Variants in CTNNA2 observed in about 807,000 individuals in gnomAD.
CTNNA2 encodes the protein catenin alpha-2.
A neutral mutation model predicts 101.0 loss-of-function variants in CTNNA2; 42 were observed. The ratio of observed to expected loss-of-function variants is 0.42; its 90% CI spans 0.32 to 0.54. The LOEUF (loss-of-function observed/expected upper bound fraction) is 0.54. Ranked by LOEUF, CTNNA2 falls within the 20% of genes least tolerant of loss-of-function variation. The pLI is 0.14. For synonymous variants in CTNNA2, 450 were observed against 456.4 expected, an observed-to-expected ratio of 0.99 and a Z score of 0.18; for missense variants, 871 against 1,223.1, an observed-to-expected ratio of 0.71 and a Z score of 4.29.
chr2:80,586,659 T>C (rs1203730953), intron 14 of CTNNA2: 1 of 152,218 alleles, frequency 6.6e-6, no homozygotes, highest in East Asian at 1.9e-4. Context: ...AATAAACTCT[T>C]GTATATCAAG....
intron 1 of CTNNA2, among the ~76,000 whole-genome samples, chr2:79,191,266 T>C (rs2104160419): frequency 6.6e-6 from 1 of 152,314 alleles, no homozygotes; most frequent in African/African-American, 2.4e-5. Context: ...AGCATTCCAA[T>C]GATGTCAGCT....
intron 9 of CTNNA2, among the ~76,000 whole-genome samples, chr2:80,460,640 C>T (rs1684345966): frequency 6.6e-6 from 1 of 152,106 alleles, no homozygotes; most frequent in Non-Finnish European, 1.5e-5. Context: ...TACAAATACC[C>T]TACCACATCT....
At chr2:79,933,778 G>T (rs944889030) in intron 7 of CTNNA2, among the ~76,000 whole-genome samples, 1 of 152,144 alleles carries the variant, frequency 6.6e-6, no homozygotes, top group Non-Finnish European at 1.5e-5. Flanking sequence ...TCTTTACATG[G>T]TCTAACCACC....
intron 7 of CTNNA2, among the ~76,000 whole-genome samples, chr2:80,239,638 G>C (rs968972938): frequency 1.3e-5 from 2 of 151,980 alleles, no homozygotes; most frequent in African/African-American, 4.8e-5. Flanking sequence ...ATGGCCTGGC[G>C]TGGTGGCTCA....
At chr2:79,243,029 C>CACACACACACACAT (rs1369431500) in intron 2 of CTNNA2, among the ~76,000 whole-genome samples, 2 of 149,556 alleles carry the variant, frequency 1.3e-5, no homozygotes, top group African/African-American at 4.9e-5. Flanking sequence ...CACACACACA[C>CACACACACACACAT]GTTAATATTC....
At chr2:79,786,005 A>C (rs1001650988) in intron 3 of CTNNA2, among the ~76,000 whole-genome samples, 1 of 152,204 alleles carries the variant, frequency 6.6e-6, no homozygotes, top group Non-Finnish European at 1.5e-5. Flanking sequence ...GGTGGGCAGG[A>C]GAGAAGATCC....
At position 80,002,058 on chromosome 2, in the gene CTNNA2, A is replaced by G. The variant is rs1027678791; in HGVS notation, c.1056+92261A>G. Among the ~76,000 whole-genome samples, 3 of 152,190 alleles carry G rather than the reference A, an allele frequency of 2.0e-5. No individual in the cohort carries two copies. The East Asian group carries it at 5.8e-4, about 29-fold the overall frequency. On this transcript the variant is annotated intron_variant, in intron 7 of 18. Coordinates refer to ENST00000402739, the MANE Select transcript of CTNNA2 (RefSeq NM_001282597.3). Reference sequence around the variant, plus strand: ...AAAGCTTTAAACAATGTGTTTTTTAAGTGCTTAGTGACAACCCTAAAATAT... The same window carrying G: ...AAAGCTTTAAACAATGTGTTTTTTAGGTGCTTAGTGACAACCCTAAAATAT...
At chr2:80,431,934 T>A (rs1681564708) in intron 9 of CTNNA2, among the ~76,000 whole-genome samples, 1 of 152,280 alleles carries the variant, frequency 6.6e-6, no homozygotes, top group East Asian at 1.9e-4. Flanking sequence ...GTAGGCACAT[T>A]AGTGCCTGTT....
intron 7 of CTNNA2, among the ~76,000 whole-genome samples, chr2:80,022,676 A>G (rs1400853705): frequency 6.6e-6 from 1 of 152,164 alleles, no homozygotes; most frequent in Non-Finnish European, 1.5e-5. Flanking sequence ...AAAAAATCCT[A>G]GGTAAGGAAA....
At chr2:79,834,562 C>A (rs1467061908) in intron 3 of CTNNA2, among the ~76,000 whole-genome samples, 1 of 151,900 alleles carries the variant, frequency 6.6e-6, no homozygotes, top group Non-Finnish European at 1.5e-5. Flanking sequence ...TCTTTGTCTC[C>A]TTTTTCATTG....
intron 1 of CTNNA2, among the ~76,000 whole-genome samples, chr2:79,586,244 A>G (rs1298653764): frequency 6.6e-6 from 1 of 152,020 alleles, no homozygotes; most frequent in East Asian, 1.9e-4. Flanking sequence ...TCAAACTGTC[A>G]AGAGTGTTGC....
intron 7 of CTNNA2, among the ~76,000 whole-genome samples, chr2:80,282,262 AT>A (rs1674441270): frequency 6.7e-6 from 1 of 148,340 alleles, no homozygotes; most frequent in Non-Finnish European, 1.5e-5. Context: ...TTTAAATGTT[AT>A]TTATTTGCTG....
intron 7 of CTNNA2, among the ~76,000 whole-genome samples, chr2:79,963,359 G>A (rs946626549): frequency 5.3e-5 from 8 of 152,108 alleles, no homozygotes; most frequent in African/African-American, 1.7e-4. Flanking sequence ...TAAGTCAAGC[G>A]CCACAGTCTA....
intron 2 of CTNNA2, among the ~76,000 whole-genome samples, chr2:79,294,014 G>A (rs557113505): frequency 2.0e-5 from 3 of 152,102 alleles, no homozygotes; most frequent in Non-Finnish European, 4.4e-5. Context: ...GTCTTAGTCC[G>A]CTTGGTCTGC....
intron 7 of CTNNA2, among the ~76,000 whole-genome samples, chr2:80,084,464 T>C (rs1281559201): frequency 6.6e-6 from 1 of 152,130 alleles, no homozygotes; most frequent in Non-Finnish European, 1.5e-5. Flanking sequence ...TTTTAGGATG[T>C]CCAACCCATT....
At chr2:79,816,963 T>G (rs1175334525) in intron 3 of CTNNA2, among the ~76,000 whole-genome samples, 1 of 152,136 alleles carries the variant, frequency 6.6e-6, no homozygotes, top group South Asian at 2.1e-4. Context: ...TTTCAGTCAT[T>G]AAATAAACCT....
intron 1 of CTNNA2, among the ~76,000 whole-genome samples, chr2:79,600,597 C>T (rs934335842): frequency 6.6e-6 from 1 of 152,114 alleles, no homozygotes; most frequent in Admixed American, 6.5e-5. Context: ...CACTATTGAA[C>T]ACGTAGAAAA....
intron 9 of CTNNA2, among the ~76,000 whole-genome samples, chr2:80,481,410 T>C (rs1000710996): frequency 6.6e-6 from 1 of 152,120 alleles, no homozygotes; most frequent in African/African-American, 2.4e-5. Flanking sequence ...AGGGAACTAA[T>C]TAGATAATTC....
At chr2:80,469,104 T>C (rs1209333379) in intron 9 of CTNNA2, among the ~76,000 whole-genome samples, 4 of 152,132 alleles carry the variant, frequency 2.6e-5, no homozygotes, top group African/African-American at 9.7e-5. Flanking sequence ...TATAGGGGTC[T>C]TACTGTGGCA....
Sources: allele counts gnomAD v4.1 joint callset (sites outside exome capture counted in the v4.1 genomes callset), GRCh38; gene constraint gnomAD v4.1.1; transcripts MANE v1.5; gene names NCBI Gene and HGNC (gene_info 2026-07-23, HGNC 2026-07-21).